Variants in MMP16 observed in about 807,000 individuals in gnomAD.
MMP16 encodes matrix metallopeptidase 16, also known as matrix metalloproteinase-16.
In MMP16, 12 loss-of-function variants were observed where a neutral mutation model predicts 67.8. That is an observed-to-expected ratio of 0.18 (90% confidence interval 0.11 to 0.29). The LOEUF (loss-of-function observed/expected upper bound fraction) is 0.29. Among genes scored for constraint, MMP16 ranks in the 10% least tolerant of loss-of-function variants. The probability of loss-of-function intolerance (pLI) is 1.00; values close to 1 mark genes in which losing one functional copy is unlikely to be tolerated. For missense variants in MMP16, 475 were observed against 765.7 expected, an observed-to-expected ratio of 0.62 and a Z score of 4.48; for synonymous variants, 249 against 255.9, an observed-to-expected ratio of 0.97 and a Z score of 0.26.
chr8:88,218,199 T>A (rs1190437459), intron 1 of MMP16, among the ~76,000 whole-genome samples: 1 of 151,988 alleles, frequency 6.6e-6, no homozygotes, highest in African/African-American at 2.4e-5. Flanking sequence ...TGAAACACAA[T>A]ATGTTCATTT....
chr8:88,136,736 GAATA>G (rs1204109193), intron 4 of MMP16, among the ~76,000 whole-genome samples: 1 of 151,370 alleles, frequency 6.6e-6, no homozygotes, highest in Non-Finnish European at 1.5e-5. Flanking sequence ...TCATTCCACT[GAATA>G]AATAAATGGT....
chr8:88,083,096 G>A (rs1808780282), intron 6 of MMP16, among the ~76,000 whole-genome samples: 1 of 152,046 alleles, frequency 6.6e-6, no homozygotes. Context: ...ATATGTTAAT[G>A]TTATTAGAAC....
At chr8:88,291,100 G>A (rs1230765219) in intron 1 of MMP16, among the ~76,000 whole-genome samples, 2 of 151,878 alleles carry the variant, frequency 1.3e-5, no homozygotes, top group African/African-American at 4.8e-5. Context: ...GGGCAACACG[G>A]TGATACCACA....
intron 4 of MMP16, among the ~76,000 whole-genome samples, chr8:88,153,383 A>T (rs1808444803): frequency 6.6e-6 from 1 of 152,096 alleles, no homozygotes; most frequent in African/African-American, 2.4e-5. Context: ...TTCATATGGA[A>T]CCAAAAAAGA....
chr8:88,097,449 AAC>A lies in MMP16; in HGVS notation c.1083+19056_1083+19057del, dbSNP rs1387629699. Among the ~76,000 whole-genome samples the A allele has an allele frequency of 1.1e-4, 16 of 151,626 alleles. No homozygotes were observed. In the East Asian group the frequency reaches 3.2e-3, roughly 30 times the overall value. ...GGGAGCAGCTTAGACAACATGGCAA[AAC>A]ACTGTCTCTACAAAAAATACAAAAA... On this transcript the variant is annotated intron_variant, in intron 6 of 9. Coordinates refer to ENST00000286614, the MANE Select transcript of MMP16 (RefSeq NM_005941.5).
chr8:88,166,642 G>C (rs1808715037), intron 4 of MMP16, among the ~76,000 whole-genome samples: 1 of 139,050 alleles, frequency 7.2e-6, no homozygotes, highest in African/African-American at 2.6e-5. Flanking sequence ...CAGATTGGGA[G>C]ACCAATGAAA....
At chr8:88,211,491 G>A (rs1809512159) in intron 1 of MMP16, among the ~76,000 whole-genome samples, 1 of 152,138 alleles carries the variant, frequency 6.6e-6, no homozygotes, top group South Asian at 2.1e-4. Context: ...ATAGGGGTTT[G>A]TATGAGTATA....
chr8:88,156,608 CAA>C (rs1054018575), intron 4 of MMP16, among the ~76,000 whole-genome samples: 1 of 150,610 alleles, frequency 6.6e-6, no homozygotes, highest in South Asian at 2.1e-4. Context: ...TGTAATTCTG[CAA>C]AAAAAAGTTA....
chr8:88,238,911 G>A (rs897876363), intron 1 of MMP16, among the ~76,000 whole-genome samples: 2 of 152,066 alleles, frequency 1.3e-5, no homozygotes, highest in African/African-American at 4.8e-5. Flanking sequence ...GATCACTTGA[G>A]GTCAAGGGTT....
chr8:88,215,548 G>T (rs1366287805), intron 1 of MMP16, among the ~76,000 whole-genome samples: 1 of 151,978 alleles, frequency 6.6e-6, no homozygotes, highest in Admixed American at 6.6e-5. Context: ...AACAGGTTGA[G>T]ATATTCATGC....
intron 4 of MMP16, among the ~76,000 whole-genome samples, chr8:88,154,058 A>G (rs1299108292): frequency 3.4e-5 from 5 of 146,366 alleles, no homozygotes; most frequent in Non-Finnish European, 6.0e-5. Context: ...TGGGCAAAGG[A>G]CATGAACAGA....
At chr8:88,063,778 A>T (rs1808431161) in intron 7 of MMP16, among the ~76,000 whole-genome samples, 1 of 151,988 alleles carries the variant, frequency 6.6e-6, no homozygotes. Flanking sequence ...GAACAGAACA[A>T]GTTCACACTC....
chr8:88,321,477 A>G (rs1480805685), intron 1 of MMP16, among the ~76,000 whole-genome samples: 1 of 152,236 alleles, frequency 6.6e-6, no homozygotes, highest in African/African-American at 2.4e-5. Flanking sequence ...CTTGGCCAAA[A>G]CTAGATTTTA....
intron 6 of MMP16, among the ~76,000 whole-genome samples, chr8:88,097,625 C>CAAAAAAAAA (rs34488162): frequency 3.0e-5 from 2 of 67,480 alleles, no homozygotes; most frequent in African/African-American, 6.0e-5. Flanking sequence ...AACCCTGTCT[C>CAAAAAAAAA]AAAAAAAAAA....
chr8:88,092,807 G>A (rs1012299278), intron 6 of MMP16, among the ~76,000 whole-genome samples: 2 of 151,698 alleles, frequency 1.3e-5, no homozygotes, highest in African/African-American at 4.8e-5. Context: ...TCGAGATATA[G>A]TAACTACAAA....
At chr8:88,176,059 G>C (rs1808885155) in intron 3 of MMP16, among the ~76,000 whole-genome samples, 2 of 152,098 alleles carry the variant, frequency 1.3e-5, no homozygotes, top group Admixed American at 1.3e-4. Flanking sequence ...TATGAAAATG[G>C]ACTAACACAG....
chr8:88,137,079 T>G (rs1408129027), intron 4 of MMP16, among the ~76,000 whole-genome samples: 2 of 151,920 alleles, frequency 1.3e-5, no homozygotes, highest in African/African-American at 2.4e-5. Flanking sequence ...TATTAGCTAT[T>G]CTGGTGGATG....
intron 7 of MMP16, among the ~76,000 whole-genome samples, chr8:88,064,267 C>T (rs1186280190): frequency 6.6e-6 from 1 of 152,094 alleles, no homozygotes; most frequent in Admixed American, 6.6e-5. Context: ...TTCTTCATAA[C>T]ACAGAAGTCT....
At chr8:88,065,986 A>G (rs1366310232) in intron 7 of MMP16, among the ~76,000 whole-genome samples, 1 of 151,984 alleles carries the variant, frequency 6.6e-6, no homozygotes, top group Admixed American at 6.6e-5. Context: ...TTTCTGCCTC[A>G]TATATTTTAG....
Sources: gnomAD v4.1 joint callset for allele counts (sites outside exome capture counted in the v4.1 genomes callset) on GRCh38, gnomAD v4.1.1 for gene constraint, MANE v1.5 for transcripts, NCBI Gene and HGNC (gene_info 2026-07-23, HGNC 2026-07-21) for gene names.